Variants in PDSS2 observed in about 807,000 individuals in gnomAD.
PDSS2 encodes all trans-polyprenyl-diphosphate synthase PDSS2.
Under a neutral mutation model 44.5 loss-of-function variants are expected in PDSS2, and 31 were observed. The ratio of observed to expected loss-of-function variants is 0.70; its 90% CI spans 0.52 to 0.94. PDSS2 has a LOEUF of 0.94. Among genes scored for constraint, PDSS2 ranks in the 40% least tolerant of loss-of-function variants. PDSS2 has a pLI of 0.00. For missense variants in PDSS2, 452 were observed against 482.2 expected, an observed-to-expected ratio of 0.94 and a Z score of 0.59; for synonymous variants, 157 against 180.3, an observed-to-expected ratio of 0.87 and a Z score of 1.03.
intron 2 of PDSS2, among the ~76,000 whole-genome samples, chr6:107,300,094 T>C (rs1776645050): frequency 6.6e-6 from 1 of 152,222 alleles, no homozygotes; most frequent in Admixed American, 6.5e-5. Context: ...CTGTTGGATG[T>C]GCCTCCCCCT....
chr6:107,225,175 T>A (rs866076867), intron 4 of PDSS2, among the ~76,000 whole-genome samples: 6,658 of 80,436 alleles, frequency 0.083, 491 homozygotes, highest in African/African-American at 0.17. Context: ...TTTTTTTTTT[T>A]TTTTTTTTTT....
chr6:107,336,866 G>A (rs1233404010), intron 1 of PDSS2, among the ~76,000 whole-genome samples: 1 of 138,894 alleles, frequency 7.2e-6, no homozygotes, highest in Non-Finnish European at 1.6e-5. Flanking sequence ...GTGTGTGTGT[G>A]TGTGTGTGTG....
At chr6:107,162,315 T>C (rs1771163131) in intron 7 of PDSS2, among the ~76,000 whole-genome samples, 1 of 151,808 alleles carries the variant, frequency 6.6e-6, no homozygotes, top group African/African-American at 2.4e-5. Flanking sequence ...GCCAACATGG[T>C]GTAACCCCAT....
chr6:107,169,559 T>A (rs371954509), intron 7 of PDSS2, among the ~76,000 whole-genome samples: 1 of 152,104 alleles, frequency 6.6e-6, no homozygotes, highest in East Asian at 1.9e-4. Context: ...GCGCTCTGAT[T>A]TTTAGAATTT....
At chr6:107,372,165 C>T (rs1485592057) in intron 1 of PDSS2, among the ~76,000 whole-genome samples, 1 of 152,154 alleles carries the variant, frequency 6.6e-6, no homozygotes, top group Non-Finnish European at 1.5e-5. Context: ...GGGGGGTAGT[C>T]ACCAAACTGT....
At chr6:107,261,765 G>A (rs1775237253) in intron 3 of PDSS2, among the ~76,000 whole-genome samples, 1 of 150,658 alleles carries the variant, frequency 6.6e-6, no homozygotes, top group African/African-American at 2.4e-5. Flanking sequence ...TTTTAGTAGA[G>A]ATGGGGTTTT....
chr6:107,418,708 G>A (rs1780738682), intron 1 of PDSS2, among the ~76,000 whole-genome samples: 1 of 152,130 alleles, frequency 6.6e-6, no homozygotes, highest in South Asian at 2.1e-4. Flanking sequence ...CTGGGAGGAG[G>A]TGGCTGCAGT....
At chr6:107,285,530 T>C (rs1386372019) in intron 2 of PDSS2, among the ~76,000 whole-genome samples, 1 of 151,972 alleles carries the variant, frequency 6.6e-6, no homozygotes, top group African/African-American at 2.4e-5. Context: ...ATCACAAGAA[T>C]AGACTAATAG....
chr6:107,248,871 G>T (rs551783502), intron 3 of PDSS2, among the ~76,000 whole-genome samples: 7 of 152,072 alleles, frequency 4.6e-5, no homozygotes, highest in Non-Finnish European at 8.8e-5. Context: ...AATTCTACTG[G>T]CTAATTTCTT....
chr6:107,396,791 G>A (rs990558597), intron 1 of PDSS2, among the ~76,000 whole-genome samples: 1 of 148,894 alleles, frequency 6.7e-6, no homozygotes, highest in Non-Finnish European at 1.5e-5. Context: ...TGGGCTCAAG[G>A]AATCCTCCCA....
intron 6 of PDSS2, among the ~76,000 whole-genome samples, chr6:107,202,784 C>T (rs1305664820): frequency 6.6e-6 from 1 of 151,972 alleles, no homozygotes; most frequent in Non-Finnish European, 1.5e-5. Context: ...TTAATTTTCT[C>T]ATATTCTGTT....
At chr6:107,365,550 A>T (rs1778935828) in intron 1 of PDSS2, among the ~76,000 whole-genome samples, 1 of 152,174 alleles carries the variant, frequency 6.6e-6, no homozygotes, top group Non-Finnish European at 1.5e-5. Flanking sequence ...TGGACAAAAC[A>T]ACCCACTTAA....
At chr6:107,163,043 A>G (rs1554246972) in intron 7 of PDSS2, among the ~76,000 whole-genome samples, 2 of 152,170 alleles carry the variant, frequency 1.3e-5, no homozygotes, top group Admixed American at 6.5e-5. Context: ...TTTGTTTGTT[A>G]TGACACTTTA....
chr6:107,450,700 A>T (rs931477595), intron 1 of PDSS2, among the ~76,000 whole-genome samples: 2 of 152,216 alleles, frequency 1.3e-5, no homozygotes, highest in Admixed American at 6.5e-5. Flanking sequence ...ATGGCAGCCT[A>T]TTACAAATAA....
intron 6 of PDSS2, among the ~76,000 whole-genome samples, chr6:107,208,752 C>T (rs572779402): frequency 1.3e-5 from 2 of 148,752 alleles, no homozygotes; most frequent in African/African-American, 2.5e-5. Context: ...GCAGAGACAG[C>T]GTTTCACCAT....
intron 1 of PDSS2, among the ~76,000 whole-genome samples, chr6:107,373,675 C>G (rs1562495789): frequency 1.3e-5 from 2 of 152,190 alleles, no homozygotes; most frequent in Non-Finnish European, 2.9e-5. Flanking sequence ...CTTAAGCCAC[C>G]TGCTAGCTAA....
At chr6:107,217,876 G>GT (rs1273018835) in intron 4 of PDSS2, among the ~76,000 whole-genome samples, 1 of 152,174 alleles carries the variant, frequency 6.6e-6, no homozygotes, top group East Asian at 1.9e-4. Flanking sequence ...CTCCAAAACT[G>GT]TAAGTCTCTA....
chr6:107,185,141 A>AAG (rs1772121619), intron 7 of PDSS2, among the ~76,000 whole-genome samples: 4 of 145,626 alleles, frequency 2.7e-5, no homozygotes, highest in East Asian at 1.9e-4. Context: ...AAAAAAAAAA[A>AAG]AAGAAGAAGA....
chr6:107,364,388 C>T (rs952741597), intron 1 of PDSS2, among the ~76,000 whole-genome samples: 4 of 151,452 alleles, frequency 2.6e-5, no homozygotes, highest in Admixed American at 1.3e-4. Context: ...AGCCCTGCCC[C>T]GCGGGAAGGC....
Sources: allele counts gnomAD v4.1 joint callset (sites outside exome capture counted in the v4.1 genomes callset), GRCh38; gene constraint gnomAD v4.1.1; transcripts MANE v1.5; gene names NCBI Gene and HGNC (gene_info 2026-07-23, HGNC 2026-07-21).